Variants in BAIAP2 observed in about 807,000 individuals in gnomAD.
BAIAP2 encodes BAR/IMD domain containing adaptor protein 2, also known as BAR/IMD domain-containing adapter protein 2.
A neutral mutation model predicts 63.0 loss-of-function variants in BAIAP2; 18 were observed. The ratio of observed to expected loss-of-function variants is 0.29; its 90% CI spans 0.20 to 0.42. The LOEUF (loss-of-function observed/expected upper bound fraction) is 0.42. Among genes scored for constraint, BAIAP2 ranks in the 10% least tolerant of loss-of-function variants. The pLI is 1.00. For missense variants in BAIAP2, 610 were observed against 734.3 expected, an observed-to-expected ratio of 0.83 and a Z score of 1.96; for synonymous variants, 386 against 307.6, an observed-to-expected ratio of 1.25 and a Z score of -2.67.
intron 1 of BAIAP2, among the ~76,000 whole-genome samples, chr17:81,038,096 A>G (rs2046541467): frequency 6.6e-6 from 1 of 152,354 alleles, no homozygotes; most frequent in South Asian, 2.1e-4. Context: ...AAGGCGCGGA[A>G]GACCCCTTCC....
intron 13 of BAIAP2, chr17:81,110,642 C>A (rs774427868): frequency 1.1e-5 from 14 of 1,232,660 alleles, no homozygotes; most frequent in Non-Finnish European, 1.1e-5. Context: ...GGCTTGCACA[C>A]GGTGCTGGCC....
chr17:81,071,524 C>A (rs1203645412), intron 3 of BAIAP2, among the ~76,000 whole-genome samples: 1 of 152,238 alleles, frequency 6.6e-6, no homozygotes, highest in East Asian at 1.9e-4. Context: ...TGACCTCTCG[C>A]ACAGAGCCCC....
intron 6 of BAIAP2, among the ~76,000 whole-genome samples, chr17:81,099,583 A>G (rs1392869190): frequency 6.6e-6 from 1 of 152,122 alleles, no homozygotes; most frequent in Admixed American, 6.5e-5. Context: ...CCTTGGCCAC[A>G]GGGAGGTGCA....
At chr17:81,066,394 G>A (rs1050757741) in intron 3 of BAIAP2, among the ~76,000 whole-genome samples, 4 of 152,224 alleles carry the variant, frequency 2.6e-5, no homozygotes, top group African/African-American at 9.6e-5. Context: ...CTGAGTCACT[G>A]AATTAAGGTG....
intron 13 of BAIAP2, among the ~76,000 whole-genome samples, chr17:81,113,208 CAT>C (rs958571420): frequency 1.3e-5 from 2 of 152,258 alleles, no homozygotes; most frequent in Non-Finnish European, 2.9e-5. Context: ...CTCCCCCACA[CAT>C]GACGCAGGCC....
rs1336766225 is a variant in BAIAP2 at position 81,116,948 on chromosome 17, C to G, written c.*1109C>G. On this transcript the variant is annotated 3_prime_UTR_variant, in exon 14 of 14. Coordinates refer to ENST00000428708, the MANE Select transcript of BAIAP2 (RefSeq NM_001144888.2). Reference sequence around the variant, plus strand: ...CAGGGAAGCCCAGCTGTGCTCAACTCTCCTGCCTCCGCCTTCCACCCTGGG... The same window carrying G: ...CAGGGAAGCCCAGCTGTGCTCAACTGTCCTGCCTCCGCCTTCCACCCTGGG... 1 of 152,570 alleles carries G rather than the reference C, an allele frequency of 6.6e-6. No homozygotes were observed. The allele number at this position is 152,570 out of a possible 1,614,324, so 9.5% of individuals were successfully genotyped here. A position where few individuals can be genotyped will look rare whatever the true frequency, so the allele number is the denominator to read the frequency against.
intron 2 of BAIAP2, among the ~76,000 whole-genome samples, chr17:81,055,569 G>GGTTTTTTTTTTTTT (rs138656369): frequency 0.034 from 3,202 of 92,936 alleles, 188 homozygotes; most frequent in African/African-American, 0.094. Flanking sequence ...TCTGCAGGGT[G>GGTTTTTTTTTTTTT]TTTTGTTTTT....
At chr17:81,110,950 A>C (rs1368438917) in intron 13 of BAIAP2, 1 of 1,613,770 alleles carries the variant, frequency 6.2e-7, no homozygotes, top group African/African-American at 1.3e-5. Flanking sequence ...GAGCCGCCTG[A>C]CTAGAGTTAG....
At position 81,106,975 on chromosome 17, in the gene BAIAP2, C is replaced by T. The variant is rs946479775; in HGVS notation, c.1500+68C>T. ...ACAGTGGGCTCAGCCTGCAGTCCCCCGTTGGAGCCTCCGCTGAGGGGCGGG... is the reference window on the plus strand; with the variant it reads ...ACAGTGGGCTCAGCCTGCAGTCCCCTGTTGGAGCCTCCGCTGAGGGGCGGG... On this transcript the variant is annotated intron_variant, in intron 12 of 13. Transcript: ENST00000428708. The T allele has an allele frequency of 2.8e-5, 40 of 1,445,120 alleles. 1 individual carries two copies. Among genetic ancestry groups the T allele is most frequent in the Non-Finnish European group, 3.1e-5 (34 of 1,098,012 alleles). 89.5% of individuals were successfully genotyped at this position (1,445,120 alleles called of 1,614,324 possible).
chr17:81,068,437 C>T (rs983659014), intron 3 of BAIAP2, among the ~76,000 whole-genome samples: 15 of 152,346 alleles, frequency 9.8e-5, no homozygotes, highest in African/African-American at 3.4e-4. Context: ...AGGCCAGGAC[C>T]CTGGTCAGTG....
intron 6 of BAIAP2, among the ~76,000 whole-genome samples, chr17:81,097,056 T>G (rs1044011172): frequency 6.6e-6 from 1 of 152,184 alleles, no homozygotes; most frequent in Non-Finnish European, 1.5e-5. Flanking sequence ...CTGGAAAGTC[T>G]GCTTAAGGTT....
In BAIAP2 at chr17:81,106,829, C is replaced by G; in HGVS notation, c.1422C>G (p.Ala474=). Residue 474 remains alanine, a synonymous_variant, in exon 12 of 14, where the codon GCC becomes GCG. Coordinates refer to ENST00000428708, the MANE Select transcript of BAIAP2 (RefSeq NM_001144888.2). ...TCCCACCCCCCGATTACGGCGCCGC[C>G]TCCCGGGCCTTCCCCGCCCAGACGG... ...LAIPPPDYGA[A]SRAFPAQTAS... The G allele has an allele frequency of 6.2e-7, 1 of 1,611,584 alleles. No individual in the cohort carries two copies. Among genetic ancestry groups the G allele is most frequent in the Non-Finnish European group, 8.5e-7 (1 of 1,179,298 alleles).
chr17:81,108,798 G>A (rs891448513), intron 13 of BAIAP2: 3 of 1,142,720 alleles, frequency 2.6e-6, no homozygotes, highest in Admixed American at 2.9e-5. Flanking sequence ...GGCTGGGGCT[G>A]CAGCCTCCTC....
intron 1 of BAIAP2, among the ~76,000 whole-genome samples, chr17:81,048,444 C>T (rs2048164089): frequency 6.6e-6 from 1 of 151,458 alleles, no homozygotes; most frequent in South Asian, 2.1e-4. Context: ...AGAGCAAAGT[C>T]CTTTGGCAGA....
intron 1 of BAIAP2, among the ~76,000 whole-genome samples, chr17:81,037,864 G>GA (rs2046498566): frequency 1.3e-5 from 2 of 152,246 alleles, no homozygotes; most frequent in South Asian, 4.1e-4. Context: ...AAAAATGCGA[G>GA]AATAAAAAGT....
At chr17:81,062,687 CCTT>C (rs1176165972) in intron 3 of BAIAP2, among the ~76,000 whole-genome samples, 3 of 77,134 alleles carry the variant, frequency 3.9e-5, no homozygotes, top group African/African-American at 1.4e-4. Context: ...CTTTTTCTTT[CCTT>C]TTTTTTTTTT....
At chr17:81,085,365 C>G (rs572251979) in intron 4 of BAIAP2, 1 of 596,378 alleles carries the variant, frequency 1.7e-6, no homozygotes, top group East Asian at 3.0e-5. Context: ...TCGCAGTGAT[C>G]CCCAGCATGG....
intron 3 of BAIAP2, among the ~76,000 whole-genome samples, chr17:81,078,908 A>C (rs1362829850): frequency 6.6e-6 from 1 of 151,756 alleles, no homozygotes; most frequent in Non-Finnish European, 1.5e-5. Flanking sequence ...TGGGGGTGTC[A>C]GGTCTCTCCC....
chr17:81,068,754 G>A (rs1432236828), intron 3 of BAIAP2, among the ~76,000 whole-genome samples: 1 of 152,196 alleles, frequency 6.6e-6, no homozygotes, highest in African/African-American at 2.4e-5. Context: ...GGGAGGGCCT[G>A]GGGGGACTCC....
Sources: allele counts gnomAD v4.1 joint callset (sites outside exome capture counted in the v4.1 genomes callset), GRCh38; gene constraint gnomAD v4.1.1; transcripts MANE v1.5; gene names NCBI Gene and HGNC (gene_info 2026-07-23, HGNC 2026-07-21).